CYFIP1: variants seen among roughly 807,000 people sequenced by gnomAD.
CYFIP1 encodes cytoplasmic FMR1 interacting protein 1.
A neutral mutation model predicts 163.5 loss-of-function variants in CYFIP1; 58 were observed. That is an observed-to-expected ratio of 0.35 (90% CI 0.29 to 0.44). The LOEUF is 0.44. Ranked by LOEUF, CYFIP1 falls within the 20% of genes least tolerant of loss-of-function variation. The pLI, the probability that CYFIP1 is intolerant of heterozygous loss-of-function variation, is 1.00. For missense variants in CYFIP1, 1,338 were observed against 1,653.8 expected (o/e 0.81, Z 3.31); for synonymous variants, 663 against 660.7 (o/e 1.00, Z -0.05).
intron 1 of CYFIP1, among the ~76,000 whole-genome samples, chr15:22,967,492 C>T (rs961684330): frequency 5.9e-5 from 9 of 152,206 alleles, no homozygotes; most frequent in African/African-American, 1.9e-4. Context: ...CTGAACCTTT[C>T]CTGCTCACAG....
rs548747712 is a variant in CYFIP1, at chr15:22,892,095, C to T, written c.2676+795G>A. 9.1e-4 allele frequency among the ~76,000 whole-genome samples: 139 copies of T among 152,326 alleles called. 1 individual carries two copies. Among genetic ancestry groups the T allele is most frequent in the African/African-American group, 2.8e-3 (116 of 41,596 alleles). ...GGAAGACGCTTTCGCTCTTCACAGG[C>T]GAGCCGGATCCTCTGGCCTCATCCT... On this transcript the variant is annotated intron_variant, in intron 23 of 30. Coordinates refer to ENST00000617928, the MANE Select transcript of CYFIP1 (RefSeq NM_014608.6).
chr15:22,897,463 G>C (rs1415930638), intron 22 of CYFIP1, among the ~76,000 whole-genome samples: 4 of 150,982 alleles, frequency 2.6e-5, no homozygotes, highest in African/African-American at 9.7e-5. Flanking sequence ...GAACATCTGG[G>C]TGTTCAACAG....
chr15:22,964,582 G>A (rs1006391746), intron 1 of CYFIP1, among the ~76,000 whole-genome samples: 18 of 152,128 alleles, frequency 1.2e-4, no homozygotes, highest in Admixed American at 2.6e-4. Flanking sequence ...TGCAGCCGGC[G>A]AAGATGCCAC....
intron 1 of CYFIP1, among the ~76,000 whole-genome samples, chr15:22,968,176 T>C (rs2062974650): frequency 6.6e-6 from 1 of 152,104 alleles, no homozygotes; most frequent in Non-Finnish European, 1.5e-5. Context: ...GCAAATTATT[T>C]AAATACAAAA....
At chr15:22,902,955 C>T (rs2060445180) in intron 22 of CYFIP1, among the ~76,000 whole-genome samples, 1 of 152,216 alleles carries the variant, frequency 6.6e-6, no homozygotes, top group African/African-American at 2.4e-5. Flanking sequence ...GCCTACAAGT[C>T]AGTAAGAATT....
intron 1 of CYFIP1, among the ~76,000 whole-genome samples, chr15:22,971,025 G>A (rs12324368): frequency 0.22 from 33,473 of 151,796 alleles, 4,146 homozygotes; most frequent in African/African-American, 0.32. Context: ...GCAGTGAGCC[G>A]AGATTGCGCC....
rs550137731 is a variant in CYFIP1 at position 22,959,520 on chromosome 15, G to C, written c.-6-12229C>G. On this transcript the variant is annotated intron_variant, in intron 1 of 30. Coordinates refer to ENST00000617928, the MANE Select transcript of CYFIP1 (RefSeq NM_014608.6). ...CGTGCCTCAGTGGCGTGGCCCGCAT[G>C]GCCGGGCAGTCCCGCCTGCTCAGGA... Among the ~76,000 whole-genome samples the C allele has an allele frequency of 2.1e-3, 323 of 152,326 alleles. 5 individuals carry two copies. Among genetic ancestry groups the C allele is most frequent in the African/African-American group, 7.4e-3 (309 of 41,584 alleles).
intron 1 of CYFIP1, among the ~76,000 whole-genome samples, chr15:22,959,079 G>C (rs2062584935): frequency 6.6e-6 from 1 of 152,106 alleles, no homozygotes; most frequent in Admixed American, 6.5e-5. Flanking sequence ...TCAGCCCAGG[G>C]CTGGGCTACC....
At position 22,917,263 on chromosome 15, in the gene CYFIP1, G is replaced by A. The variant is rs1405381194; in HGVS notation, c.1674+525C>T. 12 of 1,391,962 alleles carry A rather than the reference G, an allele frequency of 8.6e-6. No individual in the cohort carries two copies. The highest frequency in any genetic ancestry group is 7.1e-5 in the South Asian group (4 of 56,012). The allele number at this position is 1,391,962 out of a possible 1,614,324, so 86.2% of individuals were successfully genotyped here. On this transcript the variant is annotated intron_variant, in intron 15 of 30. Coordinates refer to ENST00000617928, the MANE Select transcript of CYFIP1 (RefSeq NM_014608.6). The surrounding 1 kb of genome is among the most constrained non-coding windows in gnomAD (Gnocchi z 4.2). Reference sequence around the variant, plus strand: ...AAAAGCCTCCGGCAGAGATGAGGGAGAAGACCAGCCCCAGGACGGAGGACA... The same window carrying A: ...AAAAGCCTCCGGCAGAGATGAGGGAAAAGACCAGCCCCAGGACGGAGGACA...
chr15:22,883,343 C>A (rs899091335), intron 23 of CYFIP1, among the ~76,000 whole-genome samples: 4 of 152,160 alleles, frequency 2.6e-5, no homozygotes, highest in African/African-American at 9.7e-5. Context: ...CAGCAGGATG[C>A]CCAAGGTCGG....
At chr15:22,968,742 A>G (rs947338889) in intron 1 of CYFIP1, among the ~76,000 whole-genome samples, 2 of 152,192 alleles carry the variant, frequency 1.3e-5, no homozygotes, top group African/African-American at 4.8e-5. Context: ...GTTTTTGTTC[A>G]TATGCACAAG....
chr15:22,918,015 C>G (rs2061050999), intron 14 of CYFIP1, 80 bp from the exon 15 acceptor site: 2 of 1,494,668 alleles, frequency 1.3e-6, no homozygotes, highest in African/African-American at 2.8e-5. Context: ...CCTCACCCAA[C>G]TACAAGGCTC....
intron 1 of CYFIP1, among the ~76,000 whole-genome samples, chr15:22,968,199 C>T (rs1312359061): frequency 2.0e-5 from 3 of 151,902 alleles, no homozygotes; most frequent in African/African-American, 7.3e-5. Flanking sequence ...AAAATCAATC[C>T]CTGTGATGGT....
Position 22,867,204 on chromosome 15 carries a change from C to CATCA in CYFIP1, c.*2820_*2823dup. The CATCA allele has an allele frequency of 2.4e-6, 1 of 421,454 alleles. No individual in the cohort carries two copies. Among genetic ancestry groups the CATCA allele is most frequent in the Non-Finnish European group, 4.2e-6 (1 of 240,346 alleles). 26.1% of individuals were successfully genotyped at this position (421,454 alleles called of 1,614,324 possible). A position where few individuals can be genotyped will look rare whatever the true frequency, so the allele number is the denominator to read the frequency against. ...AAATGTGCATTTGTCATCCCCACTC[C>CATCA]ATCAATCCCTGACCATGTAAGGCTT... On this transcript the variant is annotated 3_prime_UTR_variant, in exon 31 of 31. Coordinates refer to ENST00000617928, the MANE Select transcript of CYFIP1 (RefSeq NM_014608.6).
At chr15:22,968,346 C>T (rs970770820) in intron 1 of CYFIP1, among the ~76,000 whole-genome samples, 36 of 152,098 alleles carry the variant, frequency 2.4e-4, no homozygotes, top group Admixed American at 7.2e-4. Flanking sequence ...AAATTACCCT[C>T]CATAATTTGG....
intron 30 of CYFIP1, among the ~76,000 whole-genome samples, chr15:22,872,007 A>C (rs759761242): frequency 6.6e-6 from 1 of 152,148 alleles, no homozygotes; most frequent in Non-Finnish European, 1.5e-5. Flanking sequence ...GAAAACTAAT[A>C]CAACAGGGCT....
intron 13 of CYFIP1, among the ~76,000 whole-genome samples, chr15:22,925,383 GCCA>G (rs2061326089): frequency 6.6e-6 from 1 of 152,176 alleles, no homozygotes; most frequent in Non-Finnish European, 1.5e-5. Flanking sequence ...CAGAAACACA[GCCA>G]CACATGCATT....
At chr15:22,936,964 C>T (rs904383710) in intron 9 of CYFIP1, 140 bp downstream of exon 9, 15 of 644,800 alleles carry the variant, frequency 2.3e-5, no homozygotes, top group African/African-American at 5.5e-5. Flanking sequence ...CCTCTGCAGA[C>T]GGGAGAACGT....
Position 22,899,963 on chromosome 15 carries a change from G to A in CYFIP1, c.2588+3743C>T, listed in dbSNP as rs574452600. On this transcript the variant is annotated intron_variant, in intron 22 of 30. Transcript: ENST00000617928. ...CTCAGGAGGCTGTGGCAGGAGAATC[G>A]CTTGAACCTACTGGAGGTTGCAGTG... Among the ~76,000 whole-genome samples the A allele has an allele frequency of 8.5e-5, 13 of 152,238 alleles. No individual in the cohort carries two copies. In the South Asian group the frequency reaches 2.1e-3, roughly 24 times the overall value.
Sources: gnomAD v4.1 joint callset for allele counts (sites outside exome capture counted in the v4.1 genomes callset) on GRCh38, gnomAD v4.1.1 for gene constraint, Gnocchi (gnomAD v3.1) non-coding constraint, MANE v1.5 for transcripts, NCBI Gene and HGNC (gene_info 2026-07-23, HGNC 2026-07-21) for gene names.